ADCY9: variants seen among roughly 807,000 people sequenced by gnomAD.
ADCY9 encodes adenylate cyclase 9.
Under a neutral mutation model 101.5 loss-of-function variants are expected in ADCY9, and 50 were observed. The observed-to-expected ratio is 0.49, with a 90% CI of 0.39 to 0.62. ADCY9 has a LOEUF of 0.62. Among genes scored for constraint, ADCY9 ranks in the 20% least tolerant of loss-of-function variants. ADCY9 has a pLI of 0.00. For synonymous variants in ADCY9, 905 were observed against 769.3 expected (o/e 1.18, Z -2.92); for missense variants, 1,662 against 1,800.4 (o/e 0.92, Z 1.39).
chr16:4,015,162 C>T (rs373816490), intron 2 of ADCY9, among the ~76,000 whole-genome samples: 114 of 151,672 alleles, frequency 7.5e-4, no homozygotes, highest in African/African-American at 2.7e-3. Flanking sequence ...AGGATGGTCT[C>T]GATCTCCTGA....
chr16:4,009,359 C>A lies in ADCY9; in HGVS notation c.1694-1801G>T, dbSNP rs535684912. 5.5e-4 allele frequency among the ~76,000 whole-genome samples: 84 copies of A among 152,288 alleles called. 1 individual carries two copies. The South Asian group carries it at 0.016, about 28-fold the overall frequency. ...CAACCATGGCTCCCTACAGCCCCCA[C>A]CTCCTATAGCCTCAGCCTCCTGAGT... On this transcript the variant is annotated intron_variant, in intron 2 of 10. Transcript: ENST00000294016.
intron 2 of ADCY9, among the ~76,000 whole-genome samples, chr16:4,056,346 C>T (rs1475669225): frequency 6.6e-6 from 1 of 152,158 alleles, no homozygotes; most frequent in African/African-American, 2.4e-5. Context: ...CCTCCGCTCC[C>T]GGGCTCCAGG....
At chr16:4,087,828 T>C (rs2056949012) in intron 2 of ADCY9, among the ~76,000 whole-genome samples, 1 of 147,304 alleles carries the variant, frequency 6.8e-6, no homozygotes, top group South Asian at 2.1e-4. Context: ...TCTCTCTCTC[T>C]CTTCCTTCCT....
Position 4,114,227 on chromosome 16 carries a change from T to A in ADCY9, c.1216A>T (p.Met406Leu), listed in dbSNP as rs1213446163. 1 of 1,613,842 alleles carries A rather than the reference T, an allele frequency of 6.2e-7. No homozygotes were observed. Among genetic ancestry groups the A allele is most frequent in the Non-Finnish European group, 8.5e-7 (1 of 1,180,042 alleles). The change falls in exon 2 of 11, where the codon ATG (methionine) becomes TTG (leucine). Residue 406 changes from methionine to leucine, a missense_variant. Met to Leu is a conservative substitution (Grantham distance 15). Around this residue, in one of 5 missense-constraint regions of ADCY9, gnomAD observed 228 missense variants for 301.1 expected, o/e 0.76. Transcript: ENST00000294016. The surrounding 1 kb of genome is among the most constrained non-coding windows in gnomAD (Gnocchi z 4.3). Reference sequence around the variant, plus strand: ...GCGTGGGCAGACTTGTTGGCACTCATCTTGGTGAAGCCCACGATATCTGCA... The same window carrying A: ...GCGTGGGCAGACTTGTTGGCACTCAACTTGGTGAAGCCCACGATATCTGCA... ...LFADIVGFTKMSANKSAHALV... is the reference protein window; with the variant it reads ...LFADIVGFTKLSANKSAHALV...
chr16:3,956,503 T>TTTTTTTTTTGGG lies in ADCY9; in HGVS notation c.568-2988_568-2987insCCCAAAAAAAAA, dbSNP rs55792938. On this transcript the variant is annotated intron_variant, in intron 5 of 5. Coordinates refer to the ADCY9 transcript ENST00000576936. ...GCGCAATGAGCTTTTTTTTTTTTTT[T>TTTTTTTTTTGGG]GGGGGGGGATGGAGTCTCCCTCTGT... Among the ~76,000 whole-genome samples the TTTTTTTTTTGGG allele has an allele frequency of 3.3e-4, 23 of 69,570 alleles. 3 individuals are homozygous for TTTTTTTTTTGGG. Among genetic ancestry groups the TTTTTTTTTTGGG allele is most frequent in the African/African-American group, 8.9e-4 (22 of 24,760 alleles). 45.6% of individuals were successfully genotyped at this position (69,570 alleles called of 152,430 possible). A position where few individuals can be genotyped will look rare whatever the true frequency, so the allele number is the denominator to read the frequency against.
chr16:4,114,593 T>C lies in ADCY9; in HGVS notation c.850A>G (p.Arg284Gly). 4 of 1,613,880 alleles carry C rather than the reference T, an allele frequency of 2.5e-6. No homozygotes were observed. The highest frequency in any genetic ancestry group is 1.1e-5 in the South Asian group (1 of 91,086). The change falls in exon 2 of 11, where the codon AGG becomes GGG. Residue 284 changes from arginine to glycine, a missense_variant. Coordinates refer to ENST00000294016, the MANE Select transcript of ADCY9 (RefSeq NM_001116.4). This position sits in a 1 kb window ranked among gnomAD's most constrained non-coding sequence, Gnocchi z 4.3. The part of the protein sequence containing the change: ...AGALHWELLS[R>G]GLLHGCIHAI... ...TGGATGCAGCCGTGGAGCAGCCCCCTGCTCAGCAGCTCCCAGTGCAGGGCC... is the reference window on the plus strand; with the variant it reads ...TGGATGCAGCCGTGGAGCAGCCCCCCGCTCAGCAGCTCCCAGTGCAGGGCC...
rs955275931 is a variant in ADCY9, at chr16:3,992,525, T to C, written c.1990-162A>G. ...CCCCACCCCCCTGCGCCTACAGACC[T>C]GCTCCAATCCCAGCCCTGACTGCCC... On this transcript the variant is annotated intron_variant, in intron 4 of 10. Transcript: ENST00000294016. This position sits in a 1 kb window ranked among gnomAD's most constrained non-coding sequence, Gnocchi z 4.2. Among the ~76,000 whole-genome samples, 1 of 152,132 alleles carries C rather than the reference T, an allele frequency of 6.6e-6. No individual in the cohort carries two copies. The highest frequency in any genetic ancestry group is 2.1e-4 in the South Asian group (1 of 4,828).
intron 2 of ADCY9, among the ~76,000 whole-genome samples, chr16:4,041,899 G>A (rs572901622): frequency 6.8e-6 from 1 of 146,760 alleles, no homozygotes; most frequent in Non-Finnish European, 1.5e-5. Flanking sequence ...CCTCAGGGAT[G>A]TGCCACTGCC....
chr16:3,968,170 C>T (rs1425590443), intron 10 of ADCY9, among the ~76,000 whole-genome samples: 4 of 151,352 alleles, frequency 2.6e-5, no homozygotes, highest in South Asian at 2.1e-4. Flanking sequence ...TTTTTTGAGA[C>T]GGAGTTTTGC....
intron 2 of ADCY9, among the ~76,000 whole-genome samples, chr16:4,087,835 T>A (rs752403846): frequency 1.7e-4 from 26 of 151,470 alleles, no homozygotes; most frequent in Non-Finnish European, 2.9e-4. Flanking sequence ...CTCTCTTCCT[T>A]CCTTCCTTCT....
chr16:4,036,590 G>A (rs2056591984), intron 2 of ADCY9, among the ~76,000 whole-genome samples: 1 of 150,434 alleles, frequency 6.6e-6, no homozygotes, highest in Non-Finnish European at 1.5e-5. Flanking sequence ...AGCCTCCAGA[G>A]TAGCTGGGAT....
chr16:3,955,989 A>G (rs1385861097), intron 5 of ADCY9, among the ~76,000 whole-genome samples: 1 of 152,134 alleles, frequency 6.6e-6, no homozygotes, highest in Non-Finnish European at 1.5e-5. Flanking sequence ...CAGCCTCCCA[A>G]GTAGCTGGGA....
At chr16:4,106,852 A>C (rs1316080107) in intron 2 of ADCY9, among the ~76,000 whole-genome samples, 2 of 152,178 alleles carry the variant, frequency 1.3e-5, no homozygotes, top group African/African-American at 4.8e-5. Context: ...CATAATTACT[A>C]TCTCACCAAG....
intron 2 of ADCY9, among the ~76,000 whole-genome samples, chr16:4,059,981 G>A (rs2056764513): frequency 6.6e-6 from 1 of 152,084 alleles, no homozygotes; most frequent in South Asian, 2.1e-4. Context: ...TGGCTTGAGG[G>A]GCTCCCCTCC....
At chr16:4,088,798 G>A (rs1220941675) in intron 2 of ADCY9, among the ~76,000 whole-genome samples, 8 of 151,944 alleles carry the variant, frequency 5.3e-5, no homozygotes, top group Admixed American at 2.6e-4. Context: ...TGGTAGGTTC[G>A]CTTTTCATAA....
Position 3,979,179 on chromosome 16 carries a change from C to G in ADCY9, c.2616G>C (p.Leu872=). The change falls in exon 8 of 11, where the codon CTG becomes CTC. Residue 872 remains leucine, a synonymous_variant. Transcript: ENST00000294016. ...WLPRHCIGAI[L]VSLPALAVYS... is the part of the protein sequence containing the mutation. ...AGACGGCCAGTGCGGGAAGCGACAC[C>G]AGGATGGCCCCGATGCAGTGACGTG... The G allele has an allele frequency of 1.2e-6, 2 of 1,614,156 alleles. No individual in the cohort carries two copies. Among genetic ancestry groups the G allele is most frequent in the South Asian group, 1.1e-5 (1 of 91,082 alleles).
chr16:4,009,152 T>C (rs908456693), intron 2 of ADCY9, among the ~76,000 whole-genome samples: 3 of 152,210 alleles, frequency 2.0e-5, no homozygotes, highest in Non-Finnish European at 2.9e-5. Flanking sequence ...CCAAGAGTCC[T>C]AGAAACACGT....
rs560764257 is a variant in ADCY9, at chr16:3,963,537, G to C, written c.*2238C>G. On this transcript the variant is annotated 3_prime_UTR_variant, in exon 11 of 11. Coordinates refer to ENST00000294016, the MANE Select transcript of ADCY9 (RefSeq NM_001116.4). ...CGTTAAGCTCTGGGTGAGTCTGCAC[G>C]GGGCTGAACCAGACTCCACTTTGCA... 34 of 384,542 alleles carry C rather than the reference G, an allele frequency of 8.8e-5. No individual in the cohort carries two copies. Among genetic ancestry groups the C allele is most frequent in the African/African-American group, 1.9e-4 (9 of 48,106 alleles). 23.8% of individuals were successfully genotyped at this position (384,542 alleles called of 1,614,324 possible).
downstream of ADCY9, among the ~76,000 whole-genome samples, chr16:3,957,675 G>A (rs891942434): frequency 1.3e-5 from 2 of 152,106 alleles, no homozygotes; most frequent in African/African-American, 4.8e-5. Flanking sequence ...AGATAGAGAA[G>A]GCTAGAAAGC....
Sources: allele counts gnomAD v4.1 joint callset (sites outside exome capture counted in the v4.1 genomes callset), GRCh38; gene constraint gnomAD v4.1.1; regional missense constraint gnomAD v4.1.1; non-coding constraint Gnocchi (gnomAD v3.1); transcripts MANE v1.5; gene names NCBI Gene and HGNC (gene_info 2026-07-23, HGNC 2026-07-21).